Variants in PIEZO2 observed in about 807,000 individuals in gnomAD.
PIEZO2 encodes the protein piezo-type mechanosensitive ion channel component 2.
Under a neutral mutation model 337.3 loss-of-function variants are expected in PIEZO2, and 172 were observed. The ratio of observed to expected loss-of-function variants is 0.51; its 90% CI spans 0.45 to 0.58. The LOEUF (loss-of-function observed/expected upper bound fraction) is 0.58, where lower values mean the gene tolerates loss of function less well. Ranked by LOEUF, PIEZO2 falls within the 20% of genes least tolerant of loss-of-function variation. The pLI, the probability that PIEZO2 is intolerant of heterozygous loss-of-function variation, is 0.00. For missense variants in PIEZO2, 3,028 were observed against 3,391.3 expected (o/e 0.89, Z 2.66); for synonymous variants, 1,251 against 1,228.5 (o/e 1.02, Z -0.38).
chr18:10,813,457 G>A lies in PIEZO2; in HGVS notation c.918-6183C>T, dbSNP rs1222760531. ...AACCACCATTGTACTTTCTAAATCT[G>A]TGAATTTGACTACCTGGTACCTTAT... On this transcript the variant is annotated intron_variant, in intron 7 of 55. Coordinates refer to ENST00000674853, the MANE Select transcript of PIEZO2 (RefSeq NM_001378183.1). This position sits in a 1 kb window ranked among gnomAD's most constrained non-coding sequence, Gnocchi z 4.2. Among the ~76,000 whole-genome samples the A allele has an allele frequency of 6.6e-6, 1 of 152,184 alleles. No individual in the cohort carries two copies. The highest frequency in any genetic ancestry group is 2.4e-5 in the African/African-American group (1 of 41,506).
intron 2 of PIEZO2, among the ~76,000 whole-genome samples, chr18:11,026,717 C>A (rs73943100): frequency 8.3e-4 from 127 of 152,314 alleles, no homozygotes; most frequent in African/African-American, 2.9e-3. Context: ...TCCCAAGGGA[C>A]CAAATGCTCA....
chr18:10,835,046 T>C (rs2040964419), intron 7 of PIEZO2, among the ~76,000 whole-genome samples: 3 of 152,114 alleles, frequency 2.0e-5, no homozygotes. Flanking sequence ...CAGAGAGCTC[T>C]TTCACCCCTC....
rs1036005817 is a variant in PIEZO2, at chr18:11,110,151, A to G, written c.64+38374T>C. ...TTTAAAATTCTTATTTAAAGACAGC[A>G]TCTTACTCTATCACCCAGGCTGGAG... On this transcript the variant is annotated intron_variant, in intron 1 of 55. Transcript: ENST00000674853. This position sits in a 1 kb window ranked among gnomAD's most constrained non-coding sequence, Gnocchi z 4.2. Among the ~76,000 whole-genome samples the G allele has an allele frequency of 2.6e-5, 4 of 152,134 alleles. No individual in the cohort carries two copies. Among genetic ancestry groups the G allele is most frequent in the African/African-American group, 7.2e-5 (3 of 41,414 alleles).
Position 10,750,906 on chromosome 18 carries a change from G to A in PIEZO2, c.4168-719C>T, listed in dbSNP as rs2037622284. 6.6e-6 allele frequency among the ~76,000 whole-genome samples: 1 copy of A among 152,096 alleles called. No individual in the cohort carries two copies. The highest frequency in any genetic ancestry group is 1.5e-5 in the Non-Finnish European group (1 of 67,998). ...TACTCGTTATGGATTCCCCAGCCCT[G>A]GGAATATTCCAGTCCTACACCATCA... On this transcript the variant is annotated intron_variant, in intron 28 of 55. Transcript: ENST00000674853. The surrounding 1 kb of genome is among the most constrained non-coding windows in gnomAD (Gnocchi z 4.1).
intron 3 of PIEZO2, among the ~76,000 whole-genome samples, chr18:10,958,700 G>A (rs1190299818): frequency 6.6e-6 from 1 of 151,984 alleles, no homozygotes; most frequent in Non-Finnish European, 1.5e-5. Flanking sequence ...CAACAATAAT[G>A]CCTGTCAGTT....
intron 3 of PIEZO2, among the ~76,000 whole-genome samples, chr18:10,927,978 T>C (rs940821182): frequency 6.6e-6 from 1 of 152,170 alleles, no homozygotes; most frequent in African/African-American, 2.4e-5. Context: ...GATTAATGTA[T>C]TTAGACTAAG....
intron 2 of PIEZO2, among the ~76,000 whole-genome samples, chr18:10,985,384 C>T (rs566869148): frequency 1.3e-5 from 2 of 152,100 alleles, no homozygotes; most frequent in East Asian, 1.9e-4. Flanking sequence ...TTGTTATTAA[C>T]TTAAAACAGA....
chr18:10,999,133 T>C (rs1397425353), intron 2 of PIEZO2, among the ~76,000 whole-genome samples: 6 of 149,092 alleles, frequency 4.0e-5, no homozygotes, highest in Non-Finnish European at 8.9e-5. Flanking sequence ...CCAAAAAATG[T>C]CAGAAATTTT....
At chr18:10,996,779 A>G (rs1038332061) in intron 2 of PIEZO2, among the ~76,000 whole-genome samples, 3 of 152,170 alleles carry the variant, frequency 2.0e-5, no homozygotes, top group Non-Finnish European at 4.4e-5. Flanking sequence ...ATGCACATAC[A>G]TGTATTTGTT....
intron 4 of PIEZO2, among the ~76,000 whole-genome samples, chr18:10,883,629 C>A (rs1427211584): frequency 6.6e-6 from 1 of 152,224 alleles, no homozygotes; most frequent in Admixed American, 6.5e-5. Flanking sequence ...TTAAAATCTA[C>A]TCTCTAAGCA....
intron 4 of PIEZO2, among the ~76,000 whole-genome samples, chr18:10,891,949 G>A (rs573325692): frequency 1.4e-4 from 22 of 152,272 alleles, no homozygotes; most frequent in African/African-American, 5.3e-4. Context: ...GTTTCTTCAT[G>A]CAGTTCAAGT....
chr18:10,694,903 A>G (rs2035016766), intron 47 of PIEZO2, among the ~76,000 whole-genome samples: 1 of 152,206 alleles, frequency 6.6e-6, no homozygotes, highest in Non-Finnish European at 1.5e-5. Flanking sequence ...GTGCAGTTCC[A>G]GAGGAGGCTT....
chr18:10,671,845 C>T (rs1027526646), intron 55 of PIEZO2, 66 bp from the exon 56 acceptor site: 198 of 1,355,972 alleles, frequency 1.5e-4, no homozygotes, highest in Non-Finnish European at 1.9e-4. Flanking sequence ...AAAAGCATGT[C>T]TAAAAGAAAA....
rs1289325234 is a variant in PIEZO2 at position 10,828,038 on chromosome 18, AAT to A, written c.918-20766_918-20765del. Among the ~76,000 whole-genome samples the A allele has an allele frequency of 3.3e-5, 5 of 152,328 alleles. No homozygotes were observed. In the East Asian group the frequency reaches 9.6e-4, roughly 29 times the overall value. On this transcript the variant is annotated intron_variant, in intron 7 of 55. Coordinates refer to ENST00000674853, the MANE Select transcript of PIEZO2 (RefSeq NM_001378183.1). The surrounding 1 kb of genome is among the most constrained non-coding windows in gnomAD (Gnocchi z 4.1). The stretch of plus-strand genomic sequence containing the variant: ...ATGGAGATTTTATAAGCAAAAGATG[AAT>A]AAACATATAAACTATTGCAACCCCA...
At position 10,766,563 on chromosome 18, in the gene PIEZO2, G is replaced by A. The variant is rs891205668; in HGVS notation, c.2947-3465C>T. ...TAACCTTGTGGGGCCTGAGGGCCCT[G>A]CCTCAAGGGAAGGGGCCTCTGAGAA... On this transcript the variant is annotated intron_variant, in intron 21 of 55. Transcript: ENST00000674853. This position sits in a 1 kb window ranked among gnomAD's most constrained non-coding sequence, Gnocchi z 6.1. 2.0e-5 allele frequency among the ~76,000 whole-genome samples: 3 copies of A among 152,178 alleles called. No homozygotes were observed. The highest frequency in any genetic ancestry group is 2.9e-5 in the Non-Finnish European group (2 of 68,018).
At chr18:11,062,394 C>A (rs1301840461) in intron 2 of PIEZO2, among the ~76,000 whole-genome samples, 2 of 152,202 alleles carry the variant, frequency 1.3e-5, no homozygotes, top group South Asian at 2.1e-4. Context: ...GCAACAAAAG[C>A]CAAAATTGAC....
chr18:10,936,327 C>T (rs1474766048), intron 3 of PIEZO2, among the ~76,000 whole-genome samples: 1 of 152,154 alleles, frequency 6.6e-6, no homozygotes, highest in Non-Finnish European at 1.5e-5. Context: ...CATAAACCTT[C>T]ATGGGATTTA....
rs886263017 is a variant in PIEZO2 at position 10,828,380 on chromosome 18, A to G, written c.918-21106T>C. 3.3e-5 allele frequency among the ~76,000 whole-genome samples: 5 copies of G among 152,190 alleles called. No individual in the cohort carries two copies. Among genetic ancestry groups the G allele is most frequent in the African/African-American group, 1.2e-4 (5 of 41,462 alleles). ...ACAACGAACCTCTTCAGAATGAGAAATGGAGCTGCTGCCCTGAAGAAATTC... is the reference window on the plus strand; with the variant it reads ...ACAACGAACCTCTTCAGAATGAGAAGTGGAGCTGCTGCCCTGAAGAAATTC... On this transcript the variant is annotated intron_variant, in intron 7 of 55. Transcript: ENST00000674853. This position sits in a 1 kb window ranked among gnomAD's most constrained non-coding sequence, Gnocchi z 4.1.
chr18:11,085,962 A>G (rs1035836426), intron 1 of PIEZO2, among the ~76,000 whole-genome samples: 1 of 152,124 alleles, frequency 6.6e-6, no homozygotes, highest in Non-Finnish European at 1.5e-5. Flanking sequence ...TACCCAGGAC[A>G]GACACTATAA....
Sources: allele counts gnomAD v4.1 joint callset (sites outside exome capture counted in the v4.1 genomes callset), GRCh38; gene constraint gnomAD v4.1.1; non-coding constraint Gnocchi (gnomAD v3.1); transcripts MANE v1.5; gene names NCBI Gene and HGNC (gene_info 2026-07-23, HGNC 2026-07-21).